Variants in MACF1 observed in about 807,000 individuals in gnomAD.
MACF1 encodes the protein microtubule-actin cross-linking factor 1.
MACF1 carries 193 observed loss-of-function variants against 854.8 expected under a neutral mutation model. The ratio of observed to expected loss-of-function variants is 0.23; its 90% CI spans 0.20 to 0.25. The LOEUF (loss-of-function observed/expected upper bound fraction) is 0.25, where lower values mean the gene tolerates loss of function less well. Ranked by LOEUF, MACF1 falls within the 10% of genes least tolerant of loss-of-function variation. The probability of loss-of-function intolerance (pLI) is 1.00; values close to 1 mark genes in which losing one functional copy is unlikely to be tolerated. For missense variants in MACF1, 7,722 were observed against 8,929.1 expected (o/e 0.86, Z 5.45); for synonymous variants, 3,185 against 3,226.7 (o/e 0.99, Z 0.44).
chr1:39,308,425 A>T (rs951056568), intron 23 of MACF1, among the ~76,000 whole-genome samples: 1 of 152,108 alleles, frequency 6.6e-6, no homozygotes, highest in African/African-American at 2.4e-5. Flanking sequence ...GGGAAGATTA[A>T]ACTTACGGAT....
At chr1:39,293,915 T>G (rs1243311537) in intron 18 of MACF1, among the ~76,000 whole-genome samples, 1 of 152,094 alleles carries the variant, frequency 6.6e-6, no homozygotes, top group Non-Finnish European at 1.5e-5. Context: ...GATTATAGGC[T>G]TTGGAGTGCC....
Position 39,317,258 on chromosome 1 carries a change from C to G in MACF1, c.3633C>G (p.Val1211=). The change falls in exon 29 of 101, where the codon GTC becomes GTG. Residue 1211 remains valine (V), a synonymous_variant. Transcript: ENST00000564288. ...AGGACAAGAATTCAGTGTTTTCAGT[C>G]CTGGATGAGGAAATTGCCAAGGCCA... is the stretch of plus-strand genomic sequence containing the variant. The part of the protein sequence containing the change: ...DVKDKNSVFS[V]LDEEIAKAKV... The G allele has an allele frequency of 6.2e-7, 1 of 1,614,038 alleles. No homozygotes were observed. The highest frequency in any genetic ancestry group is 8.5e-7 in the Non-Finnish European group (1 of 1,179,986).
intron 95 of MACF1, among the ~76,000 whole-genome samples, chr1:39,467,322 G>A (rs3954096): frequency 0.15 from 23,293 of 152,010 alleles, 2,377 homozygotes; most frequent in Non-Finnish European, 0.22. Flanking sequence ...CCAAGATCGC[G>A]CCACTGCACT....
intron 43 of MACF1, among the ~76,000 whole-genome samples, chr1:39,352,122 A>C (rs1032113308): frequency 3.9e-5 from 6 of 152,226 alleles, no homozygotes; most frequent in Non-Finnish European, 7.3e-5. Context: ...GCCGACACTA[A>C]TGAGGAAAGT....
At chr1:39,483,498 G>T (rs975558105) in intron 99 of MACF1, among the ~76,000 whole-genome samples, 2 of 152,200 alleles carry the variant, frequency 1.3e-5, no homozygotes, top group African/African-American at 2.4e-5. Context: ...AAAATGAACA[G>T]CAAGGGGACA....
chr1:39,254,086 A>T, intron 4 of MACF1: 1 of 539,240 alleles, frequency 1.9e-6, no homozygotes, highest in South Asian at 2.5e-5. Flanking sequence ...CGAGATGCGT[A>T]GTGGTACACA....
chr1:39,250,476 T>G (rs1645028945), intron 3 of MACF1, among the ~76,000 whole-genome samples: 1 of 152,212 alleles, frequency 6.6e-6, no homozygotes, highest in South Asian at 2.1e-4. Context: ...CTAGTCTATA[T>G]AGACGCCTCT....
In MACF1 at chr1:39,361,368, G is replaced by A; in HGVS notation, c.12462G>A (p.Lys4154=). 1.2e-6 allele frequency: 2 copies of A among 1,612,066 alleles called. No individual in the cohort carries two copies. The highest frequency in any genetic ancestry group is 1.1e-5 in the South Asian group (1 of 91,050). ...QEALATNMKL[K]QDIARQKSSL... Reference sequence around the variant, plus strand: ...CGTGTTCTTCATGACAGAAATTGAAGCAGGACATTGCTCGGCAAAAGAGCA... The same window carrying A: ...CGTGTTCTTCATGACAGAAATTGAAACAGGACATTGCTCGGCAAAAGAGCA... The change falls in exon 49 of 101, where the codon AAG becomes AAA. Residue 4154 remains lysine (K), a synonymous_variant. Coordinates refer to ENST00000564288, the MANE Select transcript of MACF1 (RefSeq NM_001394062.1).
At position 39,459,212 on chromosome 1, in the gene MACF1, A is replaced by C; in HGVS notation, c.21323A>C (p.Gln7108Pro). 1 of 1,613,922 alleles carries C rather than the reference A, an allele frequency of 6.2e-7. No homozygotes were observed. Among genetic ancestry groups the C allele is most frequent in the Non-Finnish European group, 8.5e-7 (1 of 1,179,960 alleles). ...QQVWLLALER[Q>P]RKLNDALDRL... ...GTGTGGCTGTTAGCACTGGAGCGGC[A>C]AAGGAAACTGAATGATGCCTTGGAT... Residue 7108 changes from glutamine (Q) to proline (P), a missense_variant, in exon 91 of 101, where the codon CAA (glutamine) becomes CCA (proline). Physicochemically the swap from Gln to Pro is moderately conservative, Grantham distance 76. Around this residue, in one of 15 missense-constraint regions of MACF1, gnomAD observed 729 missense variants for 900.5 expected, o/e 0.81. Transcript: ENST00000564288.
rs759810823 is a variant in MACF1 at position 39,337,319 on chromosome 1, G to C, written c.10203G>C (p.Leu3401=). The C allele has an allele frequency of 1.2e-5, 19 of 1,613,914 alleles. No homozygotes were observed. The highest frequency in any genetic ancestry group is 1.5e-5 in the Non-Finnish European group (18 of 1,179,894). Residue 3401 remains leucine, a synonymous_variant, in exon 38 of 101, where the codon CTG becomes CTC. Transcript: ENST00000564288. ...ELNLAELQDL[L]CQAKVLEREL... ...ACCTGGCAGAACTACAGGATCTGCT[G>C]TGTCAGGCCAAGGTAGGTTCCCAGA...
In MACF1 at chr1:39,335,427, C is replaced by G; in HGVS notation, c.8839C>G (p.Gln2947Glu). ...ENQGEVILEV[Q>E]ETYCETSGKL... ...TCAAGGGGAAGTGATTTTGGAAGTA[C>G]AAGAAACATATTGTGAAACGTCAGG... The change falls in exon 37 of 101, where the codon CAA becomes GAA. Residue 2947 changes from glutamine to glutamate, a missense_variant. Gln to Glu is a conservative substitution (Grantham distance 29). This residue lies in a region of MACF1 where 854 missense variants were observed against 852.6 expected (regional missense o/e 1.00). Coordinates refer to ENST00000564288, the MANE Select transcript of MACF1 (RefSeq NM_001394062.1). 1.2e-6 allele frequency: 2 copies of G among 1,614,122 alleles called. No individual in the cohort carries two copies. The highest frequency in any genetic ancestry group is 1.7e-6 in the Non-Finnish European group (2 of 1,180,008).
intron 1 of MACF1, among the ~76,000 whole-genome samples, chr1:39,230,154 T>C (rs951671742): frequency 2.6e-5 from 4 of 152,050 alleles, no homozygotes; most frequent in African/African-American, 9.7e-5. Context: ...AGACTGATAA[T>C]GGTAAGTGCT....
At chr1:39,358,138 T>C (rs1320429928) in intron 45 of MACF1, among the ~76,000 whole-genome samples, 1 of 152,254 alleles carries the variant, frequency 6.6e-6, no homozygotes, top group Non-Finnish European at 1.5e-5. Context: ...ATCACACTGA[T>C]GGTGAAGGTG....
chr1:39,427,632 T>C lies in MACF1; in HGVS notation c.16476+18T>C. The stretch of plus-strand genomic sequence containing the variant: ...GGCACAAGGTAGGGAGTGGTTACAG[T>C]AAATGAAAATAGAAAACTGGAATTA... On this transcript the variant is annotated intron_variant, in intron 62 of 100. Coordinates refer to ENST00000564288, the MANE Select transcript of MACF1 (RefSeq NM_001394062.1). 3 of 1,598,602 alleles carry C rather than the reference T, an allele frequency of 1.9e-6. No homozygotes were observed. Among genetic ancestry groups the C allele is most frequent in the Non-Finnish European group, 8.5e-7 (1 of 1,174,176 alleles).
intron 2 of MACF1, among the ~76,000 whole-genome samples, chr1:39,132,298 T>C (rs1050106293): frequency 2.6e-5 from 4 of 152,216 alleles, no homozygotes; most frequent in Non-Finnish European, 5.9e-5. Context: ...ACTTTAAATA[T>C]TGGGGTCACC....
chr1:39,393,504 C>G (rs1437749239), intron 58 of MACF1, among the ~76,000 whole-genome samples: 2 of 151,898 alleles, frequency 1.3e-5, no homozygotes, highest in Non-Finnish European at 2.9e-5. Flanking sequence ...CATTCTACCT[C>G]TCAGTGATAA....
rs1346147323 is a variant in MACF1, at chr1:39,387,178, T to C, written c.14345-9T>C. On this transcript the variant is annotated splice_polypyrimidine_tract_variant and intron_variant, in intron 57 of 100. Coordinates refer to ENST00000564288, the MANE Select transcript of MACF1 (RefSeq NM_001394062.1). ...CTTTATTGATTTCAATTTTATTTTC[T>C]CATTTCAGCCGATCGCATTAACAGA... 9 of 1,605,784 alleles carry C rather than the reference T, an allele frequency of 5.6e-6. No homozygotes were observed. The highest frequency in any genetic ancestry group is 7.7e-6 in the Non-Finnish European group (9 of 1,176,166).
intron 36 of MACF1, among the ~76,000 whole-genome samples, chr1:39,329,971 T>G (rs1646688860): frequency 6.6e-6 from 1 of 152,258 alleles, no homozygotes; most frequent in South Asian, 2.1e-4. Flanking sequence ...GATTTGTTTC[T>G]GGAACTCACT....
At chr1:39,300,470 A>C in intron 22 of MACF1, 108 bp downstream of exon 22, 1 of 1,181,340 alleles carries the variant, frequency 8.5e-7, no homozygotes, top group African/African-American at 1.6e-5. Flanking sequence ...CGTTTTTAAA[A>C]TTAGAATTTA....
Sources: allele counts gnomAD v4.1 joint callset (sites outside exome capture counted in the v4.1 genomes callset), GRCh38; gene constraint gnomAD v4.1.1; regional missense constraint gnomAD v4.1.1; transcripts MANE v1.5; gene names NCBI Gene and HGNC (gene_info 2026-07-23, HGNC 2026-07-21).